LLGL2: variants seen among roughly 807,000 people sequenced by gnomAD.
LLGL2 encodes the protein LLGL scribble cell polarity complex component 2, also known as LLGL2, scribble cell polarity complex component.
Under a neutral mutation model 123.2 loss-of-function variants are expected in LLGL2, and 81 were observed. That is an observed-to-expected ratio of 0.66 (90% CI 0.55 to 0.79). LLGL2 has a LOEUF of 0.79. Ranked by LOEUF, LLGL2 falls within the 30% of genes least tolerant of loss-of-function variation. The pLI, the probability that LLGL2 is intolerant of heterozygous loss-of-function variation, is 0.00. For synonymous variants in LLGL2, 577 were observed against 594.1 expected (o/e 0.97, Z 0.42); for missense variants, 1,273 against 1,414.6 (o/e 0.90, Z 1.61).
chr17:75,557,034 C>CTTTTTTTTTTTTTTTTTTTT (rs55649536), intron 3 of LLGL2, among the ~76,000 whole-genome samples: 2 of 109,888 alleles, frequency 1.8e-5, no homozygotes, highest in African/African-American at 4.7e-5. Context: ...GTCTCAAAAA[C>CTTTTTTTTTTTTTTTTTTTT]TTTTTTTTTT....
At chr17:75,572,947 G>A (rs1376202573) in intron 19 of LLGL2, 67 bp from the exon 20 acceptor site, 4 of 1,454,826 alleles carry the variant, frequency 2.7e-6, no homozygotes, top group Non-Finnish European at 3.7e-6. Flanking sequence ...GGAGGGCCCA[G>A]CAGCAGCAGC....
At chr17:75,525,172 G>A (rs1277160702), upstream of LLGL2, 1 of 152,464 alleles carries the variant, frequency 6.6e-6, no homozygotes, top group African/African-American at 2.4e-5. The surrounding 1 kb of genome is among the most constrained non-coding windows in gnomAD (Gnocchi z 4.8). Context: ...CGACACGGAG[G>A]AGGTGGGCGC....
chr17:75,555,995 G>A (rs746424760), intron 2 of LLGL2, 51 bp from the exon 3 acceptor site: 10 of 1,424,272 alleles, frequency 7.0e-6, no homozygotes, highest in Non-Finnish European at 9.8e-6. Context: ...CAGCCATGGT[G>A]GCGCGAAGGG....
rs1450222773 is a variant in LLGL2, at chr17:75,545,511, G to C, written c.75+2010G>C. On this transcript the variant is annotated intron_variant, in intron 2 of 25. Transcript: ENST00000392550. ...GGAGCGGGGTAGACTCATCCGGCTC[G>C]GGGAGTGTGGTGGGGCCAGCAGGGT... 3.3e-5 allele frequency among the ~76,000 whole-genome samples: 5 copies of C among 152,102 alleles called. No individual in the cohort carries two copies. In the East Asian group the frequency reaches 7.7e-4, roughly 23 times the overall value.
chr17:75,534,684 T>C (rs1199130024), intron 1 of LLGL2, among the ~76,000 whole-genome samples: 1 of 152,140 alleles, frequency 6.6e-6, no homozygotes, highest in Non-Finnish European at 1.5e-5. Flanking sequence ...TCTCCCTAAG[T>C]TGCCCAGGCT....
chr17:75,558,180 A>C lies in LLGL2; in HGVS notation c.199A>C (p.Met67Leu). ...KLYGAPGVEF[M>L]GLHQENNAVT... ...CTACGGAGCCCCAGGCGTGGAGTTC[A>C]TGGGGCTGCACCAGGAGAACAACGC... is the stretch of plus-strand genomic sequence containing the variant. Residue 67 changes from methionine to leucine, a missense_variant, in exon 4 of 26, where the codon ATG becomes CTG. By Grantham distance (15) the Met-to-Leu change is conservative. Transcript: ENST00000392550. The surrounding 1 kb of genome is among the most constrained non-coding windows in gnomAD (Gnocchi z 4.0). The C allele has an allele frequency of 6.2e-7, 1 of 1,613,790 alleles. No homozygotes were observed. Among genetic ancestry groups the C allele is most frequent in the Non-Finnish European group, 8.5e-7 (1 of 1,179,958 alleles).
upstream of LLGL2, chr17:75,525,028 G>A (rs1179649770): frequency 1.3e-5 from 2 of 157,532 alleles, no homozygotes; most frequent in Non-Finnish European, 2.8e-5. The surrounding 1 kb of genome is among the most constrained non-coding windows in gnomAD (Gnocchi z 4.8). Context: ...GTGGCGAGAG[G>A]CGCCACCTGC....
In LLGL2 at chr17:75,575,065, C is replaced by T. The variant is rs372378903; in HGVS notation, c.*187C>T. On this transcript the variant is annotated 3_prime_UTR_variant, in exon 26 of 26. Coordinates refer to ENST00000392550, the MANE Select transcript of LLGL2 (RefSeq NM_001031803.2). The stretch of plus-strand genomic sequence containing the variant: ...CCCCAGTCCCCTGGGCTGCCCTTCC[C>T]GGGCCTCGTCTGTCTGGGTCCTTTG... 22 of 743,928 alleles carry T rather than the reference C, an allele frequency of 3.0e-5. No individual in the cohort carries two copies. Among genetic ancestry groups the T allele is most frequent in the Middle Eastern group, 2.9e-4 (1 of 3,452 alleles). 46.1% of individuals were successfully genotyped at this position (743,928 alleles called of 1,614,324 possible).
intron 1 of LLGL2, among the ~76,000 whole-genome samples, chr17:75,542,043 C>T (rs770398163): frequency 4.6e-5 from 7 of 151,896 alleles, no homozygotes; most frequent in Non-Finnish European, 8.8e-5. Context: ...TTTGTAAAAT[C>T]GGGTCACCCT....
At position 75,525,705 on chromosome 17, in the gene LLGL2, G is replaced by A. The variant is rs2147028646; in HGVS notation, c.-151G>A. On this transcript the variant is annotated 5_prime_UTR_variant, in exon 1 of 26. Transcript: ENST00000392550. This position sits in a 1 kb window ranked among gnomAD's most constrained non-coding sequence, Gnocchi z 4.8. Reference sequence around the variant, plus strand: ...TCCGCCCCAGGCTCGCCGCGCCGGAGGTGAGCAGGAAGGAGACGGCCGCCC... The same window carrying A: ...TCCGCCCCAGGCTCGCCGCGCCGGAAGTGAGCAGGAAGGAGACGGCCGCCC... The A allele has an allele frequency of 6.6e-6, 1 of 150,890 alleles. No individual in the cohort carries two copies. The highest frequency in any genetic ancestry group is 1.5e-5 in the Non-Finnish European group (1 of 67,496). The allele number at this position is 150,890 out of a possible 1,614,324, so 9.3% of individuals were successfully genotyped here.
At chr17:75,541,700 G>C (rs1220290028) in intron 1 of LLGL2, among the ~76,000 whole-genome samples, 1 of 147,844 alleles carries the variant, frequency 6.8e-6, no homozygotes, top group Non-Finnish European at 1.5e-5. Context: ...TTCACTCAAG[G>C]GGGATGTGGC....
In LLGL2 at chr17:75,571,697, G is replaced by T; in HGVS notation, c.2207G>T (p.Gly736Val). 6.2e-7 allele frequency: 1 copy of T among 1,609,444 alleles called. No individual in the cohort carries two copies. Reference sequence around the variant, plus strand: ...CGGCACTGCCCCTCGCTGTGGGCTGGCACCAATGGGGGCACCATCTATGCC... The same window carrying T: ...CGGCACTGCCCCTCGCTGTGGGCTGTCACCAATGGGGGCACCATCTATGCC... Reference protein sequence around the residue: ...SSRHCPSLWAGTNGGTIYAFS... With the variant: ...SSRHCPSLWAVTNGGTIYAFS... Residue 736 changes from glycine to valine, a missense_variant, in exon 18 of 26, where the codon GGC becomes GTC. By Grantham distance (109) the Gly-to-Val change is moderately radical (BLOSUM62 -3). Transcript: ENST00000392550.
chr17:75,568,322 G>C, intron 10 of LLGL2, 154 bp from the exon 11 acceptor site: 1 of 1,441,026 alleles, frequency 6.9e-7, no homozygotes. Context: ...CACACCTGCT[G>C]CCCTCCTGGA....
chr17:75,554,664 G>A (rs1812501479), intron 2 of LLGL2, among the ~76,000 whole-genome samples: 1 of 151,892 alleles, frequency 6.6e-6, no homozygotes, highest in Non-Finnish European at 1.5e-5. Flanking sequence ...CCAGCACTTT[G>A]GGAGGCCAAG....
At chr17:75,530,138 G>T (rs111664758) in intron 1 of LLGL2, among the ~76,000 whole-genome samples, 72 of 152,320 alleles carry the variant, frequency 4.7e-4, no homozygotes, top group African/African-American at 1.7e-3. Context: ...TGGGCCTTTT[G>T]GAAGTGCCTG....
chr17:75,569,445 T>C, intron 14 of LLGL2, 120 bp downstream of exon 14: 1 of 814,040 alleles, frequency 1.2e-6, no homozygotes, highest in Non-Finnish European at 2.0e-6. Context: ...TTCCGGTGGA[T>C]GGAGGTGGCT....
chr17:75,551,694 C>T (rs12449601), intron 2 of LLGL2, among the ~76,000 whole-genome samples: 11,478 of 152,160 alleles, frequency 0.075, 550 homozygotes, highest in African/African-American at 0.13. Context: ...AAGTTACAGG[C>T]TGTTTTCTCT....
intron 1 of LLGL2, among the ~76,000 whole-genome samples, chr17:75,535,711 G>T (rs1175980066): frequency 6.6e-6 from 1 of 152,222 alleles, no homozygotes; most frequent in African/African-American, 2.4e-5. Context: ...ACCCCGTGTG[G>T]TTATTCTCTC....
Position 75,563,143 on chromosome 17 carries a change from G to T in LLGL2, c.658G>T (p.Gly220Cys). 1.2e-6 allele frequency: 2 copies of T among 1,613,148 alleles called. No individual in the cohort carries two copies. The highest frequency in any genetic ancestry group is 1.7e-6 in the Non-Finnish European group (2 of 1,180,028). ...CCTCGTTGTCATCTGGGACCTACAGGGCAGCCGCGTGCTCTACCACTTCCT... is the reference window on the plus strand; with the variant it reads ...CCTCGTTGTCATCTGGGACCTACAGTGCAGCCGCGTGCTCTACCACTTCCT... Reference protein sequence around the residue: ...RGLVVIWDLQGSRVLYHFLSS... With the variant: ...RGLVVIWDLQCSRVLYHFLSS... Residue 220 changes from glycine to cysteine, a missense_variant, in exon 7 of 26, where the codon GGC (glycine) becomes TGC (cysteine). By Grantham distance (159) the Gly-to-Cys change is radical (BLOSUM62 -3). Transcript: ENST00000392550.
Sources: gnomAD v4.1 joint callset for allele counts (sites outside exome capture counted in the v4.1 genomes callset) on GRCh38, gnomAD v4.1.1 for gene constraint, Gnocchi (gnomAD v3.1) non-coding constraint, MANE v1.5 for transcripts, NCBI Gene and HGNC (gene_info 2026-07-23, HGNC 2026-07-21) for gene names.